Variants in CD36 observed in about 807,000 individuals in gnomAD.
CD36 encodes the protein platelet glycoprotein 4.
A neutral mutation model predicts 55.2 loss-of-function variants in CD36; 119 were observed. The ratio of observed to expected loss-of-function variants is 2.15; its 90% CI spans 1.86 to 2.51. The LOEUF (loss-of-function observed/expected upper bound fraction) is 2.51, where lower values mean the gene tolerates loss of function less well. CD36 is among the 30% of genes most tolerant of loss of function. The pLI, the probability that CD36 is intolerant of heterozygous loss-of-function variation, is 0.00. For missense variants in CD36, 819 were observed against 555.5 expected, an observed-to-expected ratio of 1.47 and a Z score of -4.77; for synonymous variants, 186 against 193.6, an observed-to-expected ratio of 0.96 and a Z score of 0.33.
chr7:80,676,927 ATTG>A lies in CD36; in HGVS notation c.*547_*549del, dbSNP rs1286379727. On this transcript the variant is annotated 3_prime_UTR_variant, in exon 15 of 15. Coordinates refer to ENST00000447544, the MANE Select transcript of CD36 (RefSeq NM_001001548.3). Reference sequence around the variant, plus strand: ...AAATATTACAAAGCGTAGACTATGCATTGTTATTCATTATAATATTTTTTGCTG... The same window carrying A: ...AAATATTACAAAGCGTAGACTATGCATTATTCATTATAATATTTTTTGCTG... 9.2e-5 allele frequency: 14 copies of A among 152,262 alleles called. No individual in the cohort carries two copies. The highest frequency in any genetic ancestry group is 3.1e-4 in the African/African-American group (13 of 41,562). 9.4% of individuals were successfully genotyped at this position (152,262 alleles called of 1,614,324 possible).
intron 3 of CD36, among the ~76,000 whole-genome samples, chr7:80,647,935 A>C (rs992937004): frequency 7.9e-5 from 12 of 152,140 alleles, no homozygotes; most frequent in Non-Finnish European, 1.8e-4. Context: ...ATTTTTATTA[A>C]ATTTTTATTG....
intron 7 of CD36, chr7:80,666,179 A>AT (rs901915030): frequency 4.6e-6 from 2 of 430,600 alleles, no homozygotes; most frequent in Non-Finnish European, 8.4e-6. Context: ...AATGTTTTTA[A>AT]TTTTTTTCTT....
chr7:80,647,102 G>A (rs1795225716), intron 3 of CD36: 1 of 439,276 alleles, frequency 2.3e-6, no homozygotes, highest in South Asian at 2.1e-5. Flanking sequence ...TCTATTAAAA[G>A]CTGTCTACAG....
chr7:80,672,678 T>G (rs1797811507), intron 11 of CD36, 92 bp from the exon 12 acceptor site: 1 of 853,352 alleles, frequency 1.2e-6, no homozygotes, highest in African/African-American at 1.7e-5. Context: ...CTTAAGTTAC[T>G]ACCTTCTCTT....
intron 3 of CD36, among the ~76,000 whole-genome samples, chr7:80,655,366 T>C (rs1795968877): frequency 6.6e-6 from 1 of 152,182 alleles, no homozygotes; most frequent in South Asian, 2.1e-4. Context: ...AACTCCCTTA[T>C]TTTACAGCTA....
intron 1 of CD36, among the ~76,000 whole-genome samples, chr7:80,645,491 G>A (rs949048174): frequency 1.3e-5 from 2 of 151,754 alleles, no homozygotes; most frequent in Admixed American, 6.6e-5. Flanking sequence ...AATTAACCAG[G>A]CATGGTGGCG....
intron 14 of CD36, chr7:80,676,164 C>G (rs1036159252): frequency 6.6e-6 from 1 of 152,068 alleles, no homozygotes; most frequent in Non-Finnish European, 1.5e-5. Flanking sequence ...TTGGTAATAC[C>G]GACCAACAGG....
chr7:80,662,823 T>A (rs1171064309), intron 5 of CD36, among the ~76,000 whole-genome samples, 167 bp from the exon 6 acceptor site: 1 of 152,194 alleles, frequency 6.6e-6, no homozygotes, highest in Non-Finnish European at 1.5e-5. Flanking sequence ...AATGTAATCA[T>A]CTAGGAATTA....
intron 1 of CD36, among the ~76,000 whole-genome samples, chr7:80,628,904 G>A (rs943285918): frequency 2.0e-5 from 3 of 152,042 alleles, no homozygotes; most frequent in African/African-American, 4.8e-5. Flanking sequence ...AGATACAAAT[G>A]GTTGCACTCT....
intron 5 of CD36, among the ~76,000 whole-genome samples, chr7:80,661,471 T>G (rs1391308868): frequency 6.6e-6 from 1 of 152,190 alleles, no homozygotes; most frequent in Non-Finnish European, 1.5e-5. Context: ...TATAACAGAT[T>G]ACAGGAAGAT....
chr7:80,633,507 A>C (rs1044561414), intron 1 of CD36: 4 of 152,026 alleles, frequency 2.6e-5, no homozygotes, highest in Non-Finnish European at 4.4e-5. Context: ...TTTCTTTTAA[A>C]GGTGATATTA....
intron 11 of CD36, among the ~76,000 whole-genome samples, chr7:80,672,290 A>G (rs990000820): frequency 1.3e-5 from 2 of 151,836 alleles, no homozygotes; most frequent in African/African-American, 4.8e-5. Context: ...AAAGTCAAAG[A>G]GTATATGTGA....
rs1348650058 is a variant in CD36, at chr7:80,626,856, G to T, written c.-183-19232G>T. Among the ~76,000 whole-genome samples, 5 of 151,946 alleles carry T rather than the reference G, an allele frequency of 3.3e-5. No individual in the cohort carries two copies. The East Asian group carries it at 9.6e-4, about 29-fold the overall frequency. ...TTTCTGATTTTAGTCATGCTTTTAG[G>T]TTCTGTTGTTTTACATGCTAACGAG... On this transcript the variant is annotated intron_variant, in intron 1 of 13. Transcript: ENST00000309881.
At chr7:80,667,742 C>CTTTTTTTTTT (rs1554344704) in intron 8 of CD36, among the ~76,000 whole-genome samples, 4 of 92,940 alleles carry the variant, frequency 4.3e-5, no homozygotes, top group African/African-American at 1.5e-4. Context: ...CAGGGGTTTT[C>CTTTTTTTTTT]TTTTGTTTTT....
intron 1 of CD36, among the ~76,000 whole-genome samples, chr7:80,616,887 A>G (rs1793195325): frequency 6.6e-6 from 1 of 152,162 alleles, no homozygotes; most frequent in African/African-American, 2.4e-5. Context: ...GTCTTGTTTC[A>G]GTCTTTTAAA....
chr7:80,610,877 T>A (rs568759485), intron 1 of CD36, among the ~76,000 whole-genome samples: 21 of 151,220 alleles, frequency 1.4e-4, no homozygotes, highest in African/African-American at 4.9e-4. Flanking sequence ...CCAGCCAGAT[T>A]TTTTTATTTT....
chr7:80,672,707 GT>G, intron 11 of CD36, 62 bp from the exon 12 acceptor site: 2 of 1,163,320 alleles, frequency 1.7e-6, no homozygotes, highest in Admixed American at 3.8e-5. Context: ...AGAAAAATAA[GT>G]TTTGAATAGT....
intron 4 of CD36, among the ~76,000 whole-genome samples, chr7:80,657,922 T>C (rs1009785949): frequency 1.3e-5 from 2 of 152,236 alleles, no homozygotes; most frequent in Admixed American, 1.3e-4. Flanking sequence ...ATCGGATGAT[T>C]GTATAATTTT....
chr7:80,663,571 CAATTTT>C, intron 6 of CD36, among the ~76,000 whole-genome samples: 1 of 147,622 alleles, frequency 6.8e-6, no homozygotes, highest in East Asian at 1.9e-4. Flanking sequence ...AGACCTCTTA[CAATTTT>C]AATTTATATT....
Sources: gnomAD v4.1 joint callset for allele counts (sites outside exome capture counted in the v4.1 genomes callset) on GRCh38, gnomAD v4.1.1 for gene constraint, MANE v1.5 for transcripts, NCBI Gene and HGNC (gene_info 2026-07-23, HGNC 2026-07-21) for gene names.